DNAH6: variants seen among roughly 807,000 people sequenced by gnomAD.
DNAH6 encodes the protein dynein axonemal heavy chain 6.
Under a neutral mutation model 491.4 loss-of-function variants are expected in DNAH6, and 340 were observed. The ratio of observed to expected loss-of-function variants is 0.69; its 90% CI spans 0.63 to 0.76. The LOEUF (loss-of-function observed/expected upper bound fraction) is 0.76. Ranked by LOEUF, DNAH6 falls within the 30% of genes least tolerant of loss-of-function variation. The pLI, the probability that DNAH6 is intolerant of heterozygous loss-of-function variation, is 0.00. For synonymous variants in DNAH6, 1,603 were observed against 1,686.1 expected (o/e 0.95, Z 1.21); for missense variants, 4,443 against 4,972.2 (o/e 0.89, Z 3.20).
intron 40 of DNAH6, among the ~76,000 whole-genome samples, chr2:84,676,746 T>G (rs1049916958): frequency 6.6e-6 from 1 of 152,234 alleles, no homozygotes; most frequent in Admixed American, 6.5e-5. Flanking sequence ...CAGTTTCACA[T>G]AAAGGTATTT....
Position 84,699,624 on chromosome 2 carries a change from C to A in DNAH6, c.7708C>A (p.Gln2570Lys). The A allele has an allele frequency of 6.4e-7, 1 of 1,551,596 alleles. No individual in the cohort carries two copies. The highest frequency in any genetic ancestry group is 8.7e-7 in the Non-Finnish European group (1 of 1,146,940). Residue 2570 changes from glutamine to lysine, a missense_variant, in exon 48 of 77, where the codon CAG (glutamine) becomes AAG (lysine). Transcript: ENST00000389394. ...TCAATACTTTATCAGCAAAGTGCGT[C>A]AGAAGCTGCACATTGTTCTCTGCAT... ...VFQYFISKVR[Q>K]KLHIVLCMSP...
At chr2:84,472,338 A>G in the DNAH6 span, among the ~76,000 whole-genome samples, 5 of 151,914 alleles carry the variant, frequency 3.3e-5, no homozygotes, top group African/African-American at 1.2e-4. Flanking sequence ...TGGCTTTACT[A>G]CACTATCCTG....
chr2:84,626,534 C>T (rs1687872045), intron 29 of DNAH6, among the ~76,000 whole-genome samples: 2 of 152,100 alleles, frequency 1.3e-5, no homozygotes, highest in African/African-American at 4.8e-5. Flanking sequence ...AAGTAAACAT[C>T]CTAAGCTTCA....
chr2:84,691,062 C>G (rs1381294752), intron 45 of DNAH6, among the ~76,000 whole-genome samples: 1 of 152,184 alleles, frequency 6.6e-6, no homozygotes, highest in Non-Finnish European at 1.5e-5. Flanking sequence ...ATCTATTAGT[C>G]TTTAAGCCAC....
At chr2:84,699,994 G>T (rs139898614) in intron 48 of DNAH6, among the ~76,000 whole-genome samples, 1 of 152,174 alleles carries the variant, frequency 6.6e-6, no homozygotes, top group South Asian at 2.1e-4. Flanking sequence ...TGGGAGAAAG[G>T]GTTCAAGAGA....
At chr2:84,787,448 G>A (rs776951587) in intron 68 of DNAH6, 146 bp downstream of exon 68, 2 of 593,580 alleles carry the variant, frequency 3.4e-6, no homozygotes, top group East Asian at 3.4e-5. Context: ...GTGAAGACAA[G>A]ATTGTAACAA....
chr2:84,735,229 G>A (rs540790290), intron 62 of DNAH6, among the ~76,000 whole-genome samples: 1 of 152,272 alleles, frequency 6.6e-6, no homozygotes, highest in South Asian at 2.1e-4. Flanking sequence ...AGGACGTAAT[G>A]TCATTCTTTC....
chr2:84,474,501 T>C, the DNAH6 span, among the ~76,000 whole-genome samples: 1 of 152,200 alleles, frequency 6.6e-6, no homozygotes, highest in Non-Finnish European at 1.5e-5. Flanking sequence ...AAGGTTCTGA[T>C]TGGCCATTTT....
chr2:84,467,034 A>G, the DNAH6 span, among the ~76,000 whole-genome samples: 2 of 152,246 alleles, frequency 1.3e-5, no homozygotes, highest in Non-Finnish European at 2.9e-5. Context: ...TTTGTTAAAG[A>G]GCAGATCATA....
chr2:84,624,159 T>C, intron 26 of DNAH6, 106 bp from the exon 27 acceptor site: 1 of 1,005,560 alleles, frequency 9.9e-7, no homozygotes, highest in Non-Finnish European at 1.4e-6. Flanking sequence ...TTCTTAAAAT[T>C]AGCTGGTTTT....
intron 46 of DNAH6, among the ~76,000 whole-genome samples, chr2:84,696,902 A>G (rs1044618361): frequency 2.0e-5 from 3 of 152,166 alleles, no homozygotes; most frequent in African/African-American, 4.8e-5. Flanking sequence ...TTAATGGACA[A>G]TAATAAATGT....
chr2:84,753,337 CT>C, intron 63 of DNAH6, among the ~76,000 whole-genome samples: 1 of 152,024 alleles, frequency 6.6e-6, no homozygotes, highest in Non-Finnish European at 1.5e-5. Context: ...TGTCTTTTCG[CT>C]TTCTTGGTAG....
intron 21 of DNAH6, 73 bp from the exon 22 acceptor site, chr2:84,611,601 C>A: frequency 7.7e-7 from 1 of 1,294,248 alleles, no homozygotes; most frequent in Non-Finnish European, 1.1e-6. Flanking sequence ...TTCCCTGTGT[C>A]ATGATTTTTA....
intron 11 of DNAH6, among the ~76,000 whole-genome samples, chr2:84,570,858 A>G (rs768588805): frequency 6.6e-6 from 1 of 152,136 alleles, no homozygotes; most frequent in Non-Finnish European, 1.5e-5. Context: ...GGTCCGCACT[A>G]CCTTTAAGAG....
At chr2:84,694,776 A>G (rs1034440374) in intron 46 of DNAH6, among the ~76,000 whole-genome samples, 7 of 152,262 alleles carry the variant, frequency 4.6e-5, no homozygotes, top group Non-Finnish European at 1.0e-4. Flanking sequence ...AAAAGTGCAT[A>G]TAAGAAAATA....
At chr2:84,475,321 G>A in the DNAH6 span, among the ~76,000 whole-genome samples, 2 of 152,196 alleles carry the variant, frequency 1.3e-5, no homozygotes, top group Non-Finnish European at 2.9e-5. Context: ...TGCTGGGTAT[G>A]CCTGAGTTTG....
chr2:84,506,202 A>G, the DNAH6 span, among the ~76,000 whole-genome samples: 2 of 152,084 alleles, frequency 1.3e-5, no homozygotes, highest in Non-Finnish European at 2.9e-5. Context: ...AAGTGTTCCT[A>G]TTTCTCCACA....
intron 37 of DNAH6, among the ~76,000 whole-genome samples, chr2:84,659,495 T>A (rs1336174616): frequency 6.6e-6 from 1 of 152,344 alleles, no homozygotes; most frequent in Non-Finnish European, 1.5e-5. Flanking sequence ...ATTGCTGGAA[T>A]GTACTTGCTA....
intron 33 of DNAH6, among the ~76,000 whole-genome samples, chr2:84,649,935 A>C (rs956962254): frequency 1.3e-5 from 2 of 152,140 alleles, no homozygotes; most frequent in Admixed American, 6.5e-5. Flanking sequence ...TGAAAATAAA[A>C]CATTTTTTTA....
Sources: gnomAD v4.1 joint callset for allele counts (sites outside exome capture counted in the v4.1 genomes callset) on GRCh38, gnomAD v4.1.1 for gene constraint, MANE v1.5 for transcripts, NCBI Gene and HGNC (gene_info 2026-07-23, HGNC 2026-07-21) for gene names.